BTD: variants seen among roughly 807,000 people sequenced by gnomAD.
BTD encodes the protein biotinidase.
Under a neutral mutation model 17.7 loss-of-function variants are expected in BTD, and 13 were observed. The observed-to-expected ratio is 0.74, with a 90% CI of 0.48 to 1.17. The LOEUF is 1.17. Ranked by LOEUF, BTD falls within the 50% of genes most tolerant of loss-of-function variation. BTD has a pLI of 0.00. For synonymous variants in BTD, 240 were observed against 245.2 expected (o/e 0.98, Z 0.20); for missense variants, 674 against 650.4 (o/e 1.04, Z -0.39).
intron 3 of BTD, among the ~76,000 whole-genome samples, chr3:15,705,268 A>G (rs1157014005): frequency 2.0e-5 from 3 of 152,264 alleles, no homozygotes; most frequent in South Asian, 4.1e-4. Context: ...AGATTGGCTT[A>G]CAATGAAACC....
chr3:15,639,572 G>A lies in BTD; in HGVS notation c.250-2336G>A, dbSNP rs189482717. Among the ~76,000 whole-genome samples the A allele has an allele frequency of 4.5e-3, 681 of 152,270 alleles. 7 individuals are homozygous for A. The highest frequency in any genetic ancestry group is 0.015 in the South Asian group (74 of 4,824). On this transcript the variant is annotated intron_variant, in intron 2 of 3. Transcript: ENST00000643237. ...AATCTTTGAGGTGATCTTTTAAATA[G>A]CAAAGTCAAACGGTGGTACATTCTC...
chr3:15,714,359 G>A (rs1279940679), downstream of BTD, among the ~76,000 whole-genome samples: 5 of 151,770 alleles, frequency 3.3e-5, no homozygotes, highest in African/African-American at 1.2e-4. Context: ...AAATAACACA[G>A]TTCAGGGAAA....
chr3:15,709,460 T>C (rs890242005), intron 3 of BTD, among the ~76,000 whole-genome samples: 3 of 152,148 alleles, frequency 2.0e-5, no homozygotes, highest in Non-Finnish European at 4.4e-5. Flanking sequence ...CTGTGGTTGG[T>C]AGGCTAGGGC....
intron 1 of BTD, among the ~76,000 whole-genome samples, chr3:15,610,493 T>C (rs1244207397): frequency 9.2e-5 from 14 of 152,196 alleles, no homozygotes; most frequent in Admixed American, 9.2e-4. Flanking sequence ...TTATAGTCAA[T>C]TTACCATAAC....
At chr3:15,629,619 G>A (rs1273436729) in intron 1 of BTD, among the ~76,000 whole-genome samples, 1 of 152,156 alleles carries the variant, frequency 6.6e-6, no homozygotes, top group Non-Finnish European at 1.5e-5. Context: ...CGCCGCCCGA[G>A]TTCAAGCGAT....
intron 2 of BTD, among the ~76,000 whole-genome samples, chr3:15,639,805 A>C (rs2065449740): frequency 6.6e-6 from 1 of 152,220 alleles, no homozygotes; most frequent in Admixed American, 6.5e-5. Context: ...GTGTGTGTTA[A>C]GAACTTAAAA....
chr3:15,720,608 C>A (rs1250846661), intron 4 of BTD, among the ~76,000 whole-genome samples: 2 of 152,248 alleles, frequency 1.3e-5, no homozygotes, highest in Non-Finnish European at 2.9e-5. Context: ...ACCATCATCA[C>A]ATAACGTCCC....
At chr3:15,610,314 G>A (rs1445423032) in intron 1 of BTD, among the ~76,000 whole-genome samples, 1 of 152,168 alleles carries the variant, frequency 6.6e-6, no homozygotes, top group African/African-American at 2.4e-5. Context: ...ATGGCAGCAG[G>A]TTGCAAAAGG....
intron 1 of BTD, among the ~76,000 whole-genome samples, chr3:15,620,903 A>G (rs2125393707): frequency 6.6e-6 from 1 of 152,344 alleles, no homozygotes; most frequent in East Asian, 1.9e-4. Context: ...GTCCAATAAC[A>G]GGCCATCTGC....
chr3:15,656,584 T>G, downstream of BTD, among the ~76,000 whole-genome samples: 1 of 152,234 alleles, frequency 6.6e-6, no homozygotes, highest in East Asian at 1.9e-4. Context: ...AACTTTTGCC[T>G]GGGTGCTGGT....
intron 3 of BTD, among the ~76,000 whole-genome samples, chr3:15,683,193 A>AT (rs1265397470): frequency 1.3e-5 from 2 of 152,082 alleles, no homozygotes; most frequent in African/African-American, 4.8e-5. Flanking sequence ...TCAGGGATAT[A>AT]TTTTTTTAAA....
chr3:15,605,478 A>T (rs1226529665), intron 1 of BTD, among the ~76,000 whole-genome samples: 3 of 152,216 alleles, frequency 2.0e-5, no homozygotes, highest in African/African-American at 7.2e-5. Flanking sequence ...ACCAAACCAT[A>T]TCAGGGACCC....
At chr3:15,694,203 T>C (rs2125868832) in intron 3 of BTD, among the ~76,000 whole-genome samples, 1 of 129,208 alleles carries the variant, frequency 7.7e-6, no homozygotes, top group South Asian at 2.5e-4. Context: ...CTCCATTTAG[T>C]GATTGACACT....
chr3:15,711,073 A>C, exon 4 of BTD: 1 of 654,550 alleles, frequency 1.5e-6, no homozygotes, highest in Non-Finnish European at 2.5e-6. Flanking sequence ...GCCACCCTGG[A>C]CTTTTTTTTC....
rs544444144 is a variant in BTD, at chr3:15,681,042, T to C, written c.400-29018T>C. 2.4e-4 allele frequency among the ~76,000 whole-genome samples: 36 copies of C among 152,258 alleles called. No individual in the cohort carries two copies. In the South Asian group the frequency reaches 4.2e-3, roughly 18 times the overall value. On this transcript the variant is annotated intron_variant, in intron 3 of 3. Coordinates refer to the BTD transcript ENST00000672141. ...TGATATTGCTGTGGTAAAGGAGAAG[T>C]ATCCAGCCTTGGTATTCTTGGGGGA...
At chr3:15,708,690 ATTTTTG>A (rs2071808522) in intron 3 of BTD, among the ~76,000 whole-genome samples, 1 of 152,136 alleles carries the variant, frequency 6.6e-6, no homozygotes, top group Non-Finnish European at 1.5e-5. Flanking sequence ...TGATTTTTTT[ATTTTTG>A]TGGGTCATTA....
chr3:15,679,530 T>C, intron 3 of BTD: 1 of 1,613,434 alleles, frequency 6.2e-7, no homozygotes. Context: ...GAAAACTTCC[T>C]GTTCTAAAAG....
At chr3:15,688,238 A>G (rs1168701257) in intron 3 of BTD, among the ~76,000 whole-genome samples, 1 of 152,212 alleles carries the variant, frequency 6.6e-6, no homozygotes. Context: ...CTATAGATTA[A>G]TATTTTTAAA....
chr3:15,674,818 AG>A lies in BTD; in HGVS notation c.399+32763del, dbSNP rs143772985. 5.8e-3 allele frequency among the ~76,000 whole-genome samples: 881 copies of A among 152,344 alleles called. 6 individuals are homozygous for A. The highest frequency in any genetic ancestry group is 0.02 in the African/African-American group (840 of 41,576). ...AAAGCAGAGTAAAAAAATTTATCAA[AG>A]GAAACGATCAGTTGTGCCAAAAGCT... On this transcript the variant is annotated intron_variant, in intron 3 of 3. Transcript: ENST00000672141.
Sources: gnomAD v4.1 joint callset for allele counts (sites outside exome capture counted in the v4.1 genomes callset) on GRCh38, gnomAD v4.1.1 for gene constraint, MANE v1.5 for transcripts, NCBI Gene and HGNC (gene_info 2026-07-23, HGNC 2026-07-21) for gene names.